XPO7: variants seen among roughly 807,000 people sequenced by gnomAD.
XPO7 encodes the protein exportin 7, also known as exportin-7.
Under a neutral mutation model 144.3 loss-of-function variants are expected in XPO7, and 21 were observed. The observed-to-expected ratio is 0.15, with a 90% CI of 0.10 to 0.21. XPO7 has a LOEUF of 0.21. Ranked by LOEUF, XPO7 falls within the 10% of genes least tolerant of loss-of-function variation. The probability of loss-of-function intolerance (pLI) is 1.00; values close to 1 mark genes in which losing one functional copy is unlikely to be tolerated. For synonymous variants in XPO7, 580 were observed against 499.6 expected, an observed-to-expected ratio of 1.16 and a Z score of -2.15; for missense variants, 808 against 1,325.8, an observed-to-expected ratio of 0.61 and a Z score of 6.06.
At chr8:21,997,530 C>T (rs1433554382) in intron 21 of XPO7, among the ~76,000 whole-genome samples, 1 of 152,174 alleles carries the variant, frequency 6.6e-6, no homozygotes, top group Admixed American at 6.5e-5. Flanking sequence ...TGAGATAGGA[C>T]AGGCTTGCTG....
In XPO7 at chr8:22,000,734, T is replaced by G. The variant is rs533815660; in HGVS notation, c.2782+1060T>G. On this transcript the variant is annotated intron_variant, in intron 24 of 27. Coordinates refer to ENST00000252512, the MANE Select transcript of XPO7 (RefSeq NM_015024.5). The stretch of plus-strand genomic sequence containing the variant: ...TCCCAAAATACTGGGATTACAGGCA[T>G]GAGCCACCGTGCCTGGCCCAACAAT... 1.0e-3 allele frequency among the ~76,000 whole-genome samples: 159 copies of G among 152,312 alleles called. 1 individual carries two copies. Among genetic ancestry groups the G allele is most frequent in the Middle Eastern group, 0.01 (3 of 294 alleles).
Position 21,951,653 on chromosome 8 carries a change from T to TA in XPO7, c.19-15202dup, listed in dbSNP as rs1811377784. On this transcript the variant is annotated intron_variant, in intron 1 of 27. Coordinates refer to ENST00000252512, the MANE Select transcript of XPO7 (RefSeq NM_015024.5). ...TTTTCTGCCCATTTTGTTTGAATAT[T>TA]AATGCAGCTTATCAGCATCTGGTCA... Among the ~76,000 whole-genome samples, 5 of 152,338 alleles carry TA rather than the reference T, an allele frequency of 3.3e-5. No homozygotes were observed. The South Asian group carries it at 1.0e-3, about 32-fold the overall frequency.
intron 1 of XPO7, among the ~76,000 whole-genome samples, chr8:21,937,070 CT>C (rs1243532199): frequency 6.6e-6 from 1 of 152,034 alleles, no homozygotes; most frequent in Non-Finnish European, 1.5e-5. Context: ...AAAATTATAC[CT>C]TATTTTTAAT....
intron 21 of XPO7, among the ~76,000 whole-genome samples, chr8:21,998,315 C>T (rs1813021241): frequency 6.6e-6 from 1 of 152,214 alleles, no homozygotes; most frequent in Admixed American, 6.5e-5. Context: ...GTGGCGGGCA[C>T]CTGTAGTCCC....
At chr8:21,979,716 ATTTC>A (rs2117352616) in intron 8 of XPO7, among the ~76,000 whole-genome samples, 1 of 152,284 alleles carries the variant, frequency 6.6e-6, no homozygotes, top group Non-Finnish European at 1.5e-5. Context: ...CGATACGCTT[ATTTC>A]TTTATAGCAT....
chr8:21,991,816 C>A, intron 18 of XPO7, 52 bp from the exon 19 acceptor site: 1 of 1,445,194 alleles, frequency 6.9e-7, no homozygotes, highest in Non-Finnish European at 9.4e-7. Context: ...CATATATGCA[C>A]AGCTTTGAAT....
At position 21,973,972 on chromosome 8, in the gene XPO7, C is replaced by A. The variant is rs1284264498; in HGVS notation, c.493-698C>A. On this transcript the variant is annotated intron_variant, in intron 5 of 27. Coordinates refer to ENST00000252512, the MANE Select transcript of XPO7 (RefSeq NM_015024.5). ...GGAGGTGAATATTATGGGCTGTTGT[C>A]ATTTGTAAATTCTGCAGTAACTTCA... Among the ~76,000 whole-genome samples the A allele has an allele frequency of 5.3e-5, 8 of 152,244 alleles. No homozygotes were observed. In the East Asian group the frequency reaches 1.5e-3, roughly 29 times the overall value.
chr8:21,951,332 T>C (rs185128185), intron 1 of XPO7, among the ~76,000 whole-genome samples: 163 of 152,196 alleles, frequency 1.1e-3, no homozygotes, highest in African/African-American at 3.8e-3. Context: ...TACACTTCTA[T>C]TATATACCCA....
At chr8:21,927,832 A>G (rs935237460) in intron 1 of XPO7, among the ~76,000 whole-genome samples, 1 of 152,194 alleles carries the variant, frequency 6.6e-6, no homozygotes, top group African/African-American at 2.4e-5. Flanking sequence ...GGCGTGAGCC[A>G]CCGCACCTGG....
chr8:21,977,787 A>T lies in XPO7; in HGVS notation c.781A>T (p.Thr261Ser). Residue 261 changes from threonine to serine, a missense_variant, in exon 8 of 28, where the codon ACC becomes TCC. Physicochemically the swap from Thr to Ser is moderately conservative, Grantham distance 58 (BLOSUM62 1). Coordinates refer to ENST00000252512, the MANE Select transcript of XPO7 (RefSeq NM_015024.5). ...SWRSAFLDSS[T>S]LQLFFDLYHS... ...TTCCCCAGCCTTCTTAGATTCTTCA[A>T]CCTTGCAGCTGTTTTTTGACCTGTA... 6.2e-7 allele frequency: 1 copy of T among 1,613,892 alleles called. No homozygotes were observed. The highest frequency in any genetic ancestry group is 8.5e-7 in the Non-Finnish European group (1 of 1,179,846).
chr8:21,943,278 C>A (rs1412162664), intron 1 of XPO7, among the ~76,000 whole-genome samples: 3 of 152,172 alleles, frequency 2.0e-5, no homozygotes, highest in Non-Finnish European at 4.4e-5. Flanking sequence ...CACAATACGG[C>A]TTTCCCTGGC....
In XPO7 at chr8:21,919,784, T is replaced by G. The variant is rs1179733582; in HGVS notation, c.14T>G (p.Val5Gly). 2 of 547,978 alleles carry G rather than the reference T, an allele frequency of 3.6e-6. No individual in the cohort carries two copies. Among genetic ancestry groups the G allele is most frequent in the Non-Finnish European group, 2.7e-6 (1 of 377,060 alleles). The allele number at this position is 547,978 out of a possible 1,614,324, so 33.9% of individuals were successfully genotyped here. A position where few individuals can be genotyped will look rare whatever the true frequency, so the allele number is the denominator to read the frequency against. ...GAATGGAGCAAAATGGCGGATCATG[T>G]GCAGGTGAGAGGAGCCGCGGGGGGG... MADH[V>G]QSLAQLENLC... The change falls in exon 1 of 28, where the codon GTG (valine) becomes GGG (glycine). Residue 5 changes from valine (V) to glycine (G), a missense_variant. By Grantham distance (109) the Val-to-Gly change is moderately radical. Transcript: ENST00000252512.
chr8:21,996,050 C>T (rs1812938235), intron 21 of XPO7, among the ~76,000 whole-genome samples: 2 of 152,198 alleles, frequency 1.3e-5, no homozygotes, highest in Admixed American at 1.3e-4. Context: ...CTCCTGACCT[C>T]GTGATCCGCG....
intron 9 of XPO7, among the ~76,000 whole-genome samples, chr8:21,981,082 C>G (rs1198616621): frequency 1.3e-5 from 2 of 152,182 alleles, no homozygotes; most frequent in Non-Finnish European, 2.9e-5. Flanking sequence ...AATACCTACT[C>G]TGTGCCAGGG....
At chr8:21,923,879 C>T (rs576881393) in intron 1 of XPO7, among the ~76,000 whole-genome samples, 5 of 152,332 alleles carry the variant, frequency 3.3e-5, no homozygotes, top group African/African-American at 9.6e-5. Flanking sequence ...GGTACAACTA[C>T]TGAGGCTACT....
At chr8:21,964,191 G>A (rs902752617) in intron 1 of XPO7, 4 of 152,066 alleles carry the variant, frequency 2.6e-5, no homozygotes, top group South Asian at 2.1e-4. Context: ...AATTTTTCAG[G>A]AACAGAAAAT....
chr8:21,954,260 T>A (rs1381084147), intron 1 of XPO7, among the ~76,000 whole-genome samples: 2 of 152,214 alleles, frequency 1.3e-5, no homozygotes, highest in East Asian at 1.9e-4. Context: ...AAATGGAGGT[T>A]TTAATAGGAT....
chr8:21,933,457 T>C (rs1810721984), intron 1 of XPO7, among the ~76,000 whole-genome samples: 1 of 152,202 alleles, frequency 6.6e-6, no homozygotes, highest in South Asian at 2.1e-4. Flanking sequence ...ATAGATAATA[T>C]AATACAGTTT....
At chr8:21,991,393 C>T (rs1812768175) in intron 18 of XPO7, among the ~76,000 whole-genome samples, 1 of 152,132 alleles carries the variant, frequency 6.6e-6, no homozygotes, top group Non-Finnish European at 1.5e-5. Flanking sequence ...AGTGGTATTA[C>T]TCTAATTTCG....
Sources: gnomAD v4.1 joint callset for allele counts (sites outside exome capture counted in the v4.1 genomes callset) on GRCh38, gnomAD v4.1.1 for gene constraint, MANE v1.5 for transcripts, NCBI Gene and HGNC (gene_info 2026-07-23, HGNC 2026-07-21) for gene names.